The following PHOSPHO2 variants were observed in gnomAD, a reference collection of about 807,000 sequenced individuals.
The protein encoded by PHOSPHO2 is pyridoxal phosphate phosphatase PHOSPHO2.
PHOSPHO2 carries 14 observed loss-of-function variants against 16.4 expected under a neutral mutation model. That is an observed-to-expected ratio of 0.85 (90% CI 0.56 to 1.33). The LOEUF (loss-of-function observed/expected upper bound fraction) is 1.33. Among genes scored for constraint, PHOSPHO2 ranks in the 40% most tolerant of loss-of-function variants. PHOSPHO2 has a pLI of 0.00. For missense variants in PHOSPHO2, 246 were observed against 282.5 expected, an observed-to-expected ratio of 0.87 and a Z score of 0.93; for synonymous variants, 85 against 90.5, an observed-to-expected ratio of 0.94 and a Z score of 0.34.
At chr2:169,699,123 G>A (rs1687654729) in intron 3 of PHOSPHO2, among the ~76,000 whole-genome samples, 1 of 152,102 alleles carries the variant, frequency 6.6e-6, no homozygotes, top group African/African-American at 2.4e-5. Context: ...ACATCACCTA[G>A]GTATTGAGCC....
chr2:169,698,764 T>A (rs1258939316), intron 3 of PHOSPHO2, among the ~76,000 whole-genome samples: 1 of 152,162 alleles, frequency 6.6e-6, no homozygotes, highest in Non-Finnish European at 1.5e-5. Context: ...CATAAGTAAT[T>A]GTCACACCAC....
chr2:169,695,729 A>C (rs1687504102), intron 2 of PHOSPHO2, among the ~76,000 whole-genome samples: 1 of 152,192 alleles, frequency 6.6e-6, no homozygotes, highest in Non-Finnish European at 1.5e-5. Context: ...TGGAAGACAC[A>C]AGACTATTCA....
At chr2:169,695,416 C>T (rs1687482656) in intron 2 of PHOSPHO2, among the ~76,000 whole-genome samples, 169 bp downstream of exon 2, 1 of 152,084 alleles carries the variant, frequency 6.6e-6, no homozygotes, top group African/African-American at 2.4e-5. Flanking sequence ...GCGGGCGGAT[C>T]ACGAGGTCAG....
intron 2 of PHOSPHO2, among the ~76,000 whole-genome samples, chr2:169,697,009 C>CA (rs75803493): frequency 1.9e-4 from 27 of 141,910 alleles, no homozygotes; most frequent in Admixed American, 3.5e-4. Context: ...TTAGAAAATA[C>CA]AAAAAAAAAA....
intron 2 of PHOSPHO2, among the ~76,000 whole-genome samples, chr2:169,696,318 A>T (rs1687533364): frequency 6.6e-6 from 1 of 152,232 alleles, no homozygotes; most frequent in African/African-American, 2.4e-5. Flanking sequence ...AAAAAATTTT[A>T]TTACAAAATT....
At position 169,701,501 on chromosome 2, in the gene PHOSPHO2, T is replaced by C. The variant is rs774495914; in HGVS notation, c.530T>C (p.Ile177Thr). 15 of 1,613,012 alleles carry C rather than the reference T, an allele frequency of 9.3e-6. No individual in the cohort carries two copies. Among genetic ancestry groups the C allele is most frequent in the Non-Finnish European group, 1.3e-5 (15 of 1,179,806 alleles). Residue 177 changes from isoleucine to threonine, a missense_variant, in exon 4 of 4, where the codon ATT (isoleucine) becomes ACT (threonine). Coordinates refer to ENST00000359744, the MANE Select transcript of PHOSPHO2 (RefSeq NM_001008489.4). ...GTGAATTATACACAAATTGTTTATA[T>C]TGGTGATGGTGGAAATGATGTCTGT... is the stretch of plus-strand genomic sequence containing the variant. ...QGVNYTQIVY[I>T]GDGGNDVCPV... is the part of the protein sequence containing the mutation.
chr2:169,698,309 CTACT>C (rs746616369), intron 3 of PHOSPHO2: 27 of 152,120 alleles, frequency 1.8e-4, no homozygotes, highest in Non-Finnish European at 4.4e-5. Context: ...CCAAAATTAC[CTACT>C]TAGTGTTATA....
In PHOSPHO2 at chr2:169,701,309, G is replaced by A. The variant is rs150562585; in HGVS notation, c.338G>A (p.Ser113Asn). 9 of 1,612,304 alleles carry A rather than the reference G, an allele frequency of 5.6e-6. No homozygotes were observed. The highest frequency in any genetic ancestry group is 2.2e-5 in the South Asian group (2 of 90,790). ...VFIDWVLEAA[S>N]FHDIFDKVFT... ...ATAGATTGGGTTTTAGAAGCTGCCA[G>A]TTTTCATGACATATTTGATAAAGTG... The change falls in exon 4 of 4, where the codon AGT becomes AAT. Residue 113 changes from serine to asparagine, a missense_variant. By Grantham distance (46) the Ser-to-Asn change is conservative. Transcript: ENST00000359744.
rs747541578 is a variant in PHOSPHO2 at position 169,701,336 on chromosome 2, T to A, written c.365T>A (p.Phe122Tyr). ...TTTCATGACATATTTGATAAAGTGT[T>A]TACAAATCCAGCAGCTTTTAATAGC... ...ASFHDIFDKV[F>Y]TNPAAFNSNG... is the part of the protein sequence containing the mutation. The change falls in exon 4 of 4, where the codon TTT becomes TAT. Residue 122 changes from phenylalanine (F) to tyrosine (Y), a missense_variant. By Grantham distance (22) the Phe-to-Tyr change is conservative (BLOSUM62 3). Transcript: ENST00000359744. 1 of 1,613,222 alleles carries A rather than the reference T, an allele frequency of 6.2e-7. No homozygotes were observed. Among genetic ancestry groups the A allele is most frequent in the Non-Finnish European group, 8.5e-7 (1 of 1,179,732 alleles).
rs747417920 is a variant in PHOSPHO2, at chr2:169,701,326, G to T, written c.355G>T (p.Asp119Tyr). The change falls in exon 4 of 4, where the codon GAT (aspartate) becomes TAT (tyrosine). Residue 119 changes from aspartate to tyrosine, a missense_variant. By Grantham distance (160) the Asp-to-Tyr change is radical. Transcript: ENST00000359744. Reference sequence around the variant, plus strand: ...AGCTGCCAGTTTTCATGACATATTTGATAAAGTGTTTACAAATCCAGCAGC... The same window carrying T: ...AGCTGCCAGTTTTCATGACATATTTTATAAAGTGTTTACAAATCCAGCAGC... ...LEAASFHDIF[D>Y]KVFTNPAAFN... The T allele has an allele frequency of 6.2e-7, 1 of 1,612,802 alleles. No homozygotes were observed. The highest frequency in any genetic ancestry group is 1.1e-5 in the South Asian group (1 of 90,784).
intron 3 of PHOSPHO2, among the ~76,000 whole-genome samples, chr2:169,698,942 A>C (rs780909432): frequency 1.2e-4 from 19 of 152,210 alleles, no homozygotes; most frequent in Non-Finnish European, 1.6e-4. Flanking sequence ...TATCATATAG[A>C]GTGTCAGCAA....
chr2:169,701,439 T>G lies in PHOSPHO2; in HGVS notation c.468T>G (p.Val156=), dbSNP rs201211798. ...CAAAGAATCTTTGCAAAAAGGTAGT[T>G]TTGATAGAATTTGTAGATAAACAGT... The part of the protein sequence containing the change: ...RCPKNLCKKV[V]LIEFVDKQLQ... Residue 156 remains valine (V), a synonymous_variant, in exon 4 of 4, where the codon GTT becomes GTG. Transcript: ENST00000359744. 15 of 1,612,462 alleles carry G rather than the reference T, an allele frequency of 9.3e-6. 1 individual carries two copies. The Admixed American group carries it at 2.0e-4, about 22-fold the overall frequency.
Position 169,701,493 on chromosome 2 carries a change from T to C in PHOSPHO2, c.522T>C (p.Ile174=). The change falls in exon 4 of 4, where the codon ATT becomes ATC. Residue 174 remains isoleucine, a synonymous_variant. Coordinates refer to ENST00000359744, the MANE Select transcript of PHOSPHO2 (RefSeq NM_001008489.4). The part of the protein sequence containing the change: ...QLQQGVNYTQ[I]VYIGDGGNDV... ...AACAGGGAGTGAATTATACACAAAT[T>C]GTTTATATTGGTGATGGTGGAAATG... The C allele has an allele frequency of 6.2e-7, 1 of 1,612,812 alleles. No homozygotes were observed.
Position 169,701,289 on chromosome 2 carries a change from T to G in PHOSPHO2, c.318T>G (p.Asp106Glu). 6.2e-7 allele frequency: 1 copy of G among 1,613,174 alleles called. No homozygotes were observed. Among genetic ancestry groups the G allele is most frequent in the Non-Finnish European group, 8.5e-7 (1 of 1,179,602 alleles). The change falls in exon 4 of 4, where the codon GAT becomes GAG. Residue 106 changes from aspartate to glutamate, a missense_variant. By Grantham distance (45) the Asp-to-Glu change is conservative. Transcript: ENST00000359744. Reference protein sequence around the residue: ...IISDSNSVFIDWVLEAASFHD... With the variant: ...IISDSNSVFIEWVLEAASFHD... ...CAGATTCAAATTCGGTCTTCATAGA[T>G]TGGGTTTTAGAAGCTGCCAGTTTTC... is the stretch of plus-strand genomic sequence containing the variant.
Position 169,701,393 on chromosome 2 carries a change from C to T in PHOSPHO2, c.422C>T (p.Thr141Ile). The T allele has an allele frequency of 6.2e-7, 1 of 1,613,556 alleles. No individual in the cohort carries two copies. The highest frequency in any genetic ancestry group is 8.5e-7 in the Non-Finnish European group (1 of 1,179,888). Residue 141 changes from threonine (T) to isoleucine (I), a missense_variant, in exon 4 of 4, where the codon ACT becomes ATT. Physicochemically the swap from Thr to Ile is moderately conservative, Grantham distance 89. Transcript: ENST00000359744. Reference protein sequence around the residue: ...NGHLTVENYHTHSCNRCPKNL... With the variant: ...NGHLTVENYHIHSCNRCPKNL... ...CATCTCACTGTTGAAAATTATCATA[C>T]TCATTCTTGCAATAGATGCCCAAAG...
At chr2:169,697,182 ATTT>A (rs778760243) in intron 2 of PHOSPHO2, among the ~76,000 whole-genome samples, 176 bp from the exon 3 acceptor site, 1 of 151,864 alleles carries the variant, frequency 6.6e-6, no homozygotes, top group Non-Finnish European at 1.5e-5. Context: ...CGCCCAGCTA[ATTT>A]TTTGTATTTT....
In PHOSPHO2 at chr2:169,696,657, T is replaced by G. The variant is rs374949291; in HGVS notation, c.-197-704T>G. On this transcript the variant is annotated intron_variant, in intron 2 of 3. Transcript: ENST00000359744. ...AGATTGTGCTTTTGAAGAGAACAGT[T>G]AACTTTTTGGAATTTTAACAAATTG... Among the ~76,000 whole-genome samples the G allele has an allele frequency of 1.4e-4, 21 of 152,378 alleles. No homozygotes were observed. In the East Asian group the frequency reaches 3.1e-3, roughly 22 times the overall value.
In PHOSPHO2 at chr2:169,701,481, T is replaced by C; in HGVS notation, c.510T>C (p.Asn170=). The C allele has an allele frequency of 6.2e-7, 1 of 1,612,846 alleles. No individual in the cohort carries two copies. The highest frequency in any genetic ancestry group is 8.5e-7 in the Non-Finnish European group (1 of 1,179,702). ...ATAAACAGTTACAACAGGGAGTGAA[T>C]TATACACAAATTGTTTATATTGGTG... The part of the protein sequence containing the change: ...FVDKQLQQGV[N]YTQIVYIGDG... The change falls in exon 4 of 4, where the codon AAT becomes AAC. Residue 170 remains asparagine, a synonymous_variant. Coordinates refer to ENST00000359744, the MANE Select transcript of PHOSPHO2 (RefSeq NM_001008489.4).
rs750165487 is a variant in PHOSPHO2 at position 169,701,089 on chromosome 2, C to G, written c.118C>G (p.Arg40Gly). The G allele has an allele frequency of 3.1e-6, 5 of 1,613,776 alleles. No homozygotes were observed. The highest frequency in any genetic ancestry group is 1.3e-5 in the African/African-American group (1 of 74,868). Reference protein sequence around the residue: ...KLPIELRDSYRKGFWTEFMGR... With the variant: ...KLPIELRDSYGKGFWTEFMGR... The stretch of plus-strand genomic sequence containing the variant: ...TCCTATTGAACTACGTGATTCTTAT[C>G]GAAAAGGATTTTGGACAGAATTTAT... The change falls in exon 4 of 4, where the codon CGA (arginine) becomes GGA (glycine). Residue 40 changes from arginine to glycine, a missense_variant. Transcript: ENST00000359744.
Sources: allele counts gnomAD v4.1 joint callset (sites outside exome capture counted in the v4.1 genomes callset), GRCh38; gene constraint gnomAD v4.1.1; transcripts MANE v1.5; gene names NCBI Gene and HGNC (gene_info 2026-07-23, HGNC 2026-07-21).